ENTPD5: variants seen among roughly 807,000 people sequenced by gnomAD.
ENTPD5 encodes the protein ectonucleoside triphosphate diphosphohydrolase 5 (inactive), also known as nucleoside diphosphate phosphatase ENTPD5.
ENTPD5 carries 49 observed loss-of-function variants against 60.2 expected under a neutral mutation model. The observed-to-expected ratio is 0.81, with a 90% CI of 0.65 to 1.03. The LOEUF (loss-of-function observed/expected upper bound fraction) is 1.03, where lower values mean the gene tolerates loss of function less well. Ranked by LOEUF, ENTPD5 falls within the 50% of genes least tolerant of loss-of-function variation. ENTPD5 has a pLI of 0.00. For synonymous variants in ENTPD5, 187 were observed against 185.4 expected, an observed-to-expected ratio of 1.01 and a Z score of -0.07; for missense variants, 480 against 507.6, an observed-to-expected ratio of 0.95 and a Z score of 0.52.
chr14:73,973,844 C>A, intron 12 of ENTPD5, 33 bp downstream of exon 12: 1 of 1,577,934 alleles, frequency 6.3e-7, no homozygotes, highest in South Asian at 1.1e-5. Context: ...CCATTGTAAA[C>A]GTAACTTTAA....
downstream of ENTPD5, chr14:73,963,118 T>A: frequency 1.1e-6 from 1 of 916,574 alleles, no homozygotes; most frequent in South Asian, 1.4e-5. Flanking sequence ...TAAAATTCTC[T>A]TTTTCTTCTT....
At position 73,969,500 on chromosome 14, in the gene ENTPD5, G is replaced by A. The variant is rs748478398; in HGVS notation, c.1200+510C>T. On this transcript the variant is annotated intron_variant, in intron 15 of 15. Transcript: ENST00000334696. ...TGAGGTCAGGAGTTCTCAGGAGTTC[G>A]AGACCAGCCTGGCCAACATAGTGAA... Among the ~76,000 whole-genome samples the A allele has an allele frequency of 3.9e-5, 6 of 152,012 alleles. No homozygotes were observed. In the East Asian group the frequency reaches 9.7e-4, roughly 24 times the overall value.
At chr14:73,968,487 A>G (rs1025942445) in intron 15 of ENTPD5, among the ~76,000 whole-genome samples, 1 of 147,390 alleles carries the variant, frequency 6.8e-6, no homozygotes, top group Non-Finnish European at 1.5e-5. Context: ...GTGCAATGGT[A>G]TGATCTCTCC....
intron 1 of ENTPD5, among the ~76,000 whole-genome samples, chr14:74,016,782 G>A (rs1594971836): frequency 6.6e-6 from 1 of 152,208 alleles, no homozygotes; most frequent in East Asian, 1.9e-4. Context: ...GAGGAGTCTT[G>A]GACTGACTTT....
chr14:74,019,262 A>C lies in ENTPD5; in HGVS notation c.-250T>G, dbSNP rs1193875994. The C allele has an allele frequency of 1.4e-5, 4 of 285,188 alleles. No individual in the cohort carries two copies. In the Admixed American group the frequency reaches 1.9e-4, roughly 14 times the overall value. 17.7% of individuals were successfully genotyped at this position (285,188 alleles called of 1,614,324 possible). On this transcript the variant is annotated 5_prime_UTR_variant, in exon 1 of 16. Transcript: ENST00000334696. ...CTCGCACACTCACCGCGCGCGCGCCACCCTTGCGCGGCAGCCCGCCGCCCT... is the reference window on the plus strand; with the variant it reads ...CTCGCACACTCACCGCGCGCGCGCCCCCCTTGCGCGGCAGCCCGCCGCCCT...
chr14:74,002,551 G>A (rs1372505153), intron 3 of ENTPD5, among the ~76,000 whole-genome samples: 2 of 152,128 alleles, frequency 1.3e-5, no homozygotes, highest in African/African-American at 4.8e-5. Context: ...ACAGGGTTGA[G>A]CCACTGTGCC....
chr14:73,957,854 C>T (rs923773921), downstream of ENTPD5, among the ~76,000 whole-genome samples: 4 of 152,138 alleles, frequency 2.6e-5, no homozygotes, highest in South Asian at 2.1e-4. Flanking sequence ...AAAGCAAACA[C>T]GGGCTCATTT....
chr14:73,984,883 T>G (rs1237760109), intron 5 of ENTPD5, among the ~76,000 whole-genome samples: 1 of 152,180 alleles, frequency 6.6e-6, no homozygotes, highest in East Asian at 1.9e-4. Context: ...TATCTCCTAA[T>G]GCTTTCCCTC....
intron 3 of ENTPD5, chr14:74,008,885 G>T (rs972835659): frequency 1.3e-5 from 2 of 152,146 alleles, no homozygotes; most frequent in Admixed American, 6.6e-5. Flanking sequence ...TGCCAATAAA[G>T]AAATGAGAAT....
chr14:73,959,973 C>T (rs966009645), downstream of ENTPD5: 25 of 1,045,252 alleles, frequency 2.4e-5, no homozygotes, highest in Middle Eastern at 4.7e-4. Context: ...AGTGTACACA[C>T]GGAAATGCAA....
At chr14:73,961,416 G>T, downstream of ENTPD5, 1 of 1,614,126 alleles carries the variant, frequency 6.2e-7, no homozygotes, top group Non-Finnish European at 8.5e-7. Context: ...TTCTCACTTT[G>T]CTGCCAGAGG....
At chr14:73,997,795 G>C (rs2058384314) in intron 3 of ENTPD5, among the ~76,000 whole-genome samples, 1 of 152,150 alleles carries the variant, frequency 6.6e-6, no homozygotes. Flanking sequence ...TATTACCAAA[G>C]ACAGGTATTA....
intron 3 of ENTPD5, among the ~76,000 whole-genome samples, chr14:73,999,924 C>T (rs2058455517): frequency 6.6e-6 from 1 of 151,488 alleles, no homozygotes; most frequent in African/African-American, 2.4e-5. Context: ...CCCATCTCTA[C>T]CAAAAATTTA....
downstream of ENTPD5, chr14:73,962,847 CT>C: frequency 2.4e-6 from 2 of 830,058 alleles, no homozygotes; most frequent in Non-Finnish European, 4.0e-6. Flanking sequence ...GTATATTTTT[CT>C]TTTTTTAGCT....
In ENTPD5 at chr14:73,988,144, A is replaced by G; in HGVS notation, c.-42T>C. 6.4e-7 allele frequency: 1 copy of G among 1,574,278 alleles called. No homozygotes were observed. ...GGCTGGGTGGAGGCTTTTGTTGCAG[A>G]AGCAATCCTGCTCGCACACCTGCAG... On this transcript the variant is annotated 5_prime_UTR_variant, in exon 4 of 16. Coordinates refer to ENST00000334696, the MANE Select transcript of ENTPD5 (RefSeq NM_001249.5).
At position 74,005,497 on chromosome 14, in the gene ENTPD5, C is replaced by T. The variant is rs151015347; in HGVS notation, c.-71+5594G>A. 4.4e-3 allele frequency among the ~76,000 whole-genome samples: 666 copies of T among 152,022 alleles called. 3 individuals carry two copies. Among genetic ancestry groups the T allele is most frequent in the Middle Eastern group, 0.014 (4 of 294 alleles). The stretch of plus-strand genomic sequence containing the variant: ...TTACAGGTGTGAGCCATCACATCGG[C>T]TGCTATTAACTCTTAAAAATGAACA... On this transcript the variant is annotated intron_variant, in intron 3 of 15. Coordinates refer to ENST00000334696, the MANE Select transcript of ENTPD5 (RefSeq NM_001249.5).
Position 73,967,016 on chromosome 14 carries a change from T to C in ENTPD5, c.1201-2A>G. On this transcript the variant is annotated splice_acceptor_variant, in intron 15 of 15. Transcript: ENST00000334696. LOFTEE classifies it high-confidence loss of function. ...TATGTTGTTCACTTTCTTTGTGAGCTGTTGAGAAGAAAAAAAGTCTTCACC... is the reference window on the plus strand; with the variant it reads ...TATGTTGTTCACTTTCTTTGTGAGCCGTTGAGAAGAAAAAAAGTCTTCACC... The C allele has an allele frequency of 6.2e-7, 1 of 1,613,456 alleles. No individual in the cohort carries two copies. Among genetic ancestry groups the C allele is most frequent in the South Asian group, 1.1e-5 (1 of 91,050 alleles).
At chr14:73,975,762 C>A (rs886620611) in intron 10 of ENTPD5, among the ~76,000 whole-genome samples, 174 bp downstream of exon 10, 7 of 152,116 alleles carry the variant, frequency 4.6e-5, no homozygotes, top group African/African-American at 1.7e-4. Context: ...AATGGAGAAG[C>A]CTCTTAGGCT....
intron 3 of ENTPD5, among the ~76,000 whole-genome samples, chr14:74,001,715 G>A (rs2058518288): frequency 7.1e-6 from 1 of 141,554 alleles, no homozygotes; most frequent in African/African-American, 2.6e-5. Flanking sequence ...AGGCATGGTG[G>A]TACACACCTG....
Sources: gnomAD v4.1 joint callset for allele counts (sites outside exome capture counted in the v4.1 genomes callset) on GRCh38, gnomAD v4.1.1 for gene constraint, MANE v1.5 for transcripts, NCBI Gene and HGNC (gene_info 2026-07-23, HGNC 2026-07-21) for gene names.